The following ITPR2 variants were observed in gnomAD, a reference collection of about 807,000 sequenced individuals.
ITPR2 encodes inositol 1,4,5-trisphosphate-gated calcium channel ITPR2.
A neutral mutation model predicts 317.1 loss-of-function variants in ITPR2; 207 were observed. The observed-to-expected ratio is 0.65, with a 90% CI of 0.58 to 0.73. The LOEUF (loss-of-function observed/expected upper bound fraction) is 0.73, where lower values mean the gene tolerates loss of function less well. Among genes scored for constraint, ITPR2 ranks in the 30% least tolerant of loss-of-function variants. The probability of loss-of-function intolerance (pLI) is 0.00; values close to 1 mark genes in which losing one functional copy is unlikely to be tolerated. For synonymous variants in ITPR2, 1,156 were observed against 1,149.1 expected, an observed-to-expected ratio of 1.01 and a Z score of -0.12; for missense variants, 2,613 against 3,284.0, an observed-to-expected ratio of 0.80 and a Z score of 4.99.
chr12:26,578,821 C>T lies in ITPR2; in HGVS notation c.4522G>A (p.Val1508Ile), dbSNP rs373330889. The T allele has an allele frequency of 1.6e-5, 26 of 1,608,674 alleles. No individual in the cohort carries two copies. In the African/African-American group the frequency reaches 2.8e-4, roughly 17 times the overall value. The change falls in exon 34 of 57, where the codon GTT (valine) becomes ATT (isoleucine). Residue 1508 changes from valine to isoleucine, a missense_variant. Transcript: ENST00000381340. ...GCAGATTGCAGTAGCTGAATAAAAA[C>T]TGGCTGATGTGTCTAAAACCAGAAA... ...NSTSLQTHQP[V>I]FIQLLQSAFR...
chr12:26,424,593 T>G (rs553595152), intron 49 of ITPR2, among the ~76,000 whole-genome samples: 2 of 135,780 alleles, frequency 1.5e-5, no homozygotes, highest in Admixed American at 1.5e-4. Flanking sequence ...TGTGTTTTTT[T>G]TTTTTTTTTT....
chr12:26,758,493 A>G (rs78499572), intron 2 of ITPR2, among the ~76,000 whole-genome samples: 2,099 of 152,298 alleles, frequency 0.014, 24 homozygotes, highest in Non-Finnish European at 0.023. Context: ...TCTCCATTCC[A>G]TGGTCTTTCT....
At chr12:26,442,893 A>C (rs898523426) in intron 46 of ITPR2, among the ~76,000 whole-genome samples, 2 of 152,234 alleles carry the variant, frequency 1.3e-5, no homozygotes, top group Middle Eastern at 3.4e-3. Flanking sequence ...TACTCTGCTC[A>C]CTTCTGCCTG....
intron 2 of ITPR2, among the ~76,000 whole-genome samples, chr12:26,733,907 TCATTA>T (rs1488830057): frequency 6.6e-6 from 1 of 152,220 alleles, no homozygotes; most frequent in Non-Finnish European, 1.5e-5. Flanking sequence ...CCTCCAAATT[TCATTA>T]CATAAGTGTC....
At chr12:26,410,983 T>A (rs1342771110) in intron 52 of ITPR2, among the ~76,000 whole-genome samples, 1 of 152,168 alleles carries the variant, frequency 6.6e-6, no homozygotes, top group South Asian at 2.1e-4. Flanking sequence ...TATAAGCCCA[T>A]ACTCTTCCCG....
At chr12:26,681,238 C>T (rs1277424663) in intron 13 of ITPR2, among the ~76,000 whole-genome samples, 2 of 152,162 alleles carry the variant, frequency 1.3e-5, no homozygotes, top group African/African-American at 2.4e-5. Flanking sequence ...ACAGGAATAC[C>T]TATTTCAAGG....
At chr12:26,778,608 C>T (rs571526909) in intron 2 of ITPR2, among the ~76,000 whole-genome samples, 44 of 152,240 alleles carry the variant, frequency 2.9e-4, no homozygotes, top group Admixed American at 6.5e-4. Flanking sequence ...TGTCCTACTA[C>T]AGGGGTATAT....
chr12:26,831,761 TAAATATATATTCTACATAAAATATATAA>T lies in ITPR2; in HGVS notation c.92+901_92+928del, dbSNP rs1951108727. On this transcript the variant is annotated intron_variant, in intron 1 of 56. Transcript: ENST00000381340. This position sits in a 1 kb window ranked among gnomAD's most constrained non-coding sequence, Gnocchi z 4.9. ...AAATATATATTCTACATAAAATATA[TAAATATATATTCTACATAAAATATATAA>T]ATATATATTATACATAAAATATATA... 3.3e-5 allele frequency among the ~76,000 whole-genome samples: 3 copies of T among 89,562 alleles called. No homozygotes were observed. Among genetic ancestry groups the T allele is most frequent in the Admixed American group, 1.1e-4 (1 of 9,300 alleles). The allele number at this position is 89,562 out of a possible 152,430, so 58.8% of individuals were successfully genotyped here.
At chr12:26,589,799 AAATAAAT>A (rs1418825683) in intron 32 of ITPR2, among the ~76,000 whole-genome samples, 2,130 of 43,026 alleles carry the variant, frequency 0.05, 517 homozygotes, top group Non-Finnish European at 0.11. Context: ...AAAAAAAAAT[AAATAAAT>A]AAAAAATAAA....
intron 2 of ITPR2, among the ~76,000 whole-genome samples, chr12:26,734,263 T>C (rs1467799732): frequency 2.0e-5 from 3 of 152,240 alleles, no homozygotes; most frequent in Non-Finnish European, 4.4e-5. Context: ...CAATAGAAGA[T>C]GCTCTATATT....
rs900850814 is a variant in ITPR2, at chr12:26,779,994, G to A, written c.163+10163C>T. Reference sequence around the variant, plus strand: ...CTCACCAACAGGTGACCTCAGCAGAGGAGGATTTTAATAATCAAGTGGATA... The same window carrying A: ...CTCACCAACAGGTGACCTCAGCAGAAGAGGATTTTAATAATCAAGTGGATA... On this transcript the variant is annotated intron_variant, in intron 2 of 56. Transcript: ENST00000381340. 3.3e-5 allele frequency among the ~76,000 whole-genome samples: 5 copies of A among 152,204 alleles called. No homozygotes were observed. The South Asian group carries it at 8.3e-4, about 25-fold the overall frequency.
At chr12:26,520,068 G>C (rs529075232) in intron 37 of ITPR2, among the ~76,000 whole-genome samples, 2 of 152,144 alleles carry the variant, frequency 1.3e-5, no homozygotes, top group South Asian at 4.1e-4. Context: ...AACTATTCTT[G>C]TTACATTTTG....
intron 37 of ITPR2, among the ~76,000 whole-genome samples, chr12:26,499,091 T>G (rs1352974985): frequency 1.3e-5 from 2 of 152,152 alleles, no homozygotes; most frequent in Non-Finnish European, 2.9e-5. Flanking sequence ...ATAGAAAACT[T>G]TTTTACCATT....
At chr12:26,513,775 CACAT>C (rs1320670405) in intron 37 of ITPR2, among the ~76,000 whole-genome samples, 65 of 149,038 alleles carry the variant, frequency 4.4e-4, no homozygotes, top group African/African-American at 1.4e-3. Flanking sequence ...CACACACACA[CACAT>C]GCAACCCTAC....
At chr12:26,480,273 G>A (rs527931223) in intron 43 of ITPR2, among the ~76,000 whole-genome samples, 2 of 152,236 alleles carry the variant, frequency 1.3e-5, no homozygotes, top group East Asian at 3.9e-4. Flanking sequence ...CTGCTCCTGA[G>A]CTCTTATAAA....
chr12:26,779,107 G>T (rs892186102), intron 2 of ITPR2, among the ~76,000 whole-genome samples: 1 of 152,138 alleles, frequency 6.6e-6, no homozygotes, highest in African/African-American at 2.4e-5. Flanking sequence ...TCTGCCACTT[G>T]GGCCATGTGA....
chr12:26,589,930 C>T (rs1389889633), intron 32 of ITPR2, among the ~76,000 whole-genome samples: 1 of 149,146 alleles, frequency 6.7e-6, no homozygotes, highest in Non-Finnish European at 1.5e-5. Flanking sequence ...TGTGCTGGGT[C>T]ATCTGCTGCC....
chr12:26,591,009 G>A (rs1262392155), intron 32 of ITPR2, among the ~76,000 whole-genome samples: 1 of 148,476 alleles, frequency 6.7e-6, no homozygotes, highest in East Asian at 2.0e-4. Context: ...GAACCCAGGA[G>A]GCAGGTGTTG....
intron 2 of ITPR2, among the ~76,000 whole-genome samples, chr12:26,768,259 G>A (rs1157717780): frequency 2.8e-5 from 4 of 144,804 alleles, no homozygotes; most frequent in South Asian, 2.2e-4. Context: ...CTCTGGGGAC[G>A]GTGGTGGGGT....
Sources: allele counts gnomAD v4.1 joint callset (sites outside exome capture counted in the v4.1 genomes callset), GRCh38; gene constraint gnomAD v4.1.1; non-coding constraint Gnocchi (gnomAD v3.1); transcripts MANE v1.5; gene names NCBI Gene and HGNC (gene_info 2026-07-23, HGNC 2026-07-21).